CACNB1: variants seen among roughly 807,000 people sequenced by gnomAD.
CACNB1 encodes the protein calcium voltage-gated channel auxiliary subunit beta 1, also known as voltage-dependent L-type calcium channel subunit beta-1.
CACNB1 carries 29 observed loss-of-function variants against 71.6 expected under a neutral mutation model. The observed-to-expected ratio is 0.40, with a 90% CI of 0.30 to 0.55. The LOEUF is 0.55. Ranked by LOEUF, CACNB1 falls within the 20% of genes least tolerant of loss-of-function variation. The probability of loss-of-function intolerance (pLI) is 0.38; values close to 1 mark genes in which losing one functional copy is unlikely to be tolerated. For synonymous variants in CACNB1, 300 were observed against 319.6 expected, an observed-to-expected ratio of 0.94 and a Z score of 0.65; for missense variants, 623 against 801.8, an observed-to-expected ratio of 0.78 and a Z score of 2.69.
In CACNB1 at chr17:39,177,448, T is replaced by G. The variant is rs1365283226; in HGVS notation, c.1234A>C (p.Thr412Pro). 1 of 1,613,670 alleles carries G rather than the reference T, an allele frequency of 6.2e-7. No homozygotes were observed. The highest frequency in any genetic ancestry group is 8.5e-7 in the Non-Finnish European group (1 of 1,179,658). Residue 412 changes from threonine (T) to proline (P), a missense_variant, in exon 13 of 14, where the codon ACA becomes CCA. By Grantham distance (38) the Thr-to-Pro change is conservative. Coordinates refer to ENST00000394303, the MANE Select transcript of CACNB1 (RefSeq NM_000723.5). ...GGTGGCGTGCTGCTGGGCGGGTGTG[T>G]GGCCTTCCAATAGGCTTCCAAGTAC... ...AEYLEAYWKATHPPSSTPPNP... is the reference protein window; with the variant it reads ...AEYLEAYWKAPHPPSSTPPNP...
rs1384184587 is a variant in CACNB1 at position 39,197,453 on chromosome 17, A to T, written c.43T>A (p.Ser15Thr). The change falls in exon 1 of 14, where the codon TCC (serine) becomes ACC (threonine). Residue 15 changes from serine (S) to threonine (T), a missense_variant. Physicochemically the swap from Ser to Thr is moderately conservative, Grantham distance 58. Transcript: ENST00000394303. ...AAGACCTCCATGGGGATCTCCTGGG[A>T]GGGTGGGTAAGGGCCCCGGGACATG... The part of the protein sequence containing the change: ...TSMSRGPYPP[S>T]QEIPMEVFDP... 1.3e-6 allele frequency: 2 copies of T among 1,483,206 alleles called. No individual in the cohort carries two copies. Among genetic ancestry groups the T allele is most frequent in the Non-Finnish European group, 1.8e-6 (2 of 1,121,490 alleles). 91.9% of individuals were successfully genotyped at this position (1,483,206 alleles called of 1,614,324 possible).
chr17:39,193,392 T>G (rs569272835), intron 2 of CACNB1: 22 of 408,480 alleles, frequency 5.4e-5, no homozygotes, highest in Admixed American at 5.1e-4. Flanking sequence ...CTGCCCTCCG[T>G]CAGCTTTCCT....
At chr17:39,184,942 C>T in intron 7 of CACNB1, 78 bp from the exon 8 acceptor site, 1 of 1,139,638 alleles carries the variant, frequency 8.8e-7, no homozygotes, top group East Asian at 2.4e-5. Flanking sequence ...CAGGCTCCCC[C>T]ATGCAGCCTT....
intron 11 of CACNB1, among the ~76,000 whole-genome samples, chr17:39,183,331 T>TA (rs35512848): frequency 0.037 from 5,031 of 136,696 alleles, 289 homozygotes; most frequent in African/African-American, 0.13. Flanking sequence ...GATCCTGACT[T>TA]AAAAAAAAGA....
rs1454427891 is a variant in CACNB1, at chr17:39,184,369, C to T, written c.744G>A (p.Met248Ile). The T allele has an allele frequency of 1.1e-6, 1 of 929,872 alleles. No homozygotes were observed. The highest frequency in any genetic ancestry group is 5.7e-5 in the East Asian group (1 of 17,440). 57.6% of individuals were successfully genotyped at this position (929,872 alleles called of 1,614,324 possible). ...TCAAGAAGTCAAATAAAGCTTTCTG[C>T]ATCATGTCTGTAACCTGGGGGTGGG... ...SLKGYEVTDM[M>I]QKALFDFLKH... The change falls in exon 9 of 14, where the codon ATG becomes ATA. Residue 248 changes from methionine (M) to isoleucine (I), a missense_variant. Physicochemically the swap from Met to Ile is conservative, Grantham distance 10 (BLOSUM62 1). Coordinates refer to ENST00000394303, the MANE Select transcript of CACNB1 (RefSeq NM_000723.5).
At chr17:39,195,070 C>T (rs1490280170) in intron 1 of CACNB1, 100 bp from the exon 2 acceptor site, 1 of 764,754 alleles carries the variant, frequency 1.3e-6, no homozygotes, top group African/African-American at 1.7e-5. Context: ...GGGAACAGCA[C>T]TCCCAGCCCC....
chr17:39,186,258 GGGGCA>G lies in CACNB1; in HGVS notation c.628+233_628+237del. 1.5e-6 allele frequency: 1 copy of G among 678,458 alleles called. No homozygotes were observed. Among genetic ancestry groups the G allele is most frequent in the Non-Finnish European group, 2.5e-6 (1 of 394,574 alleles). 42.0% of individuals were successfully genotyped at this position (678,458 alleles called of 1,614,324 possible). A position where few individuals can be genotyped will look rare whatever the true frequency, so the allele number is the denominator to read the frequency against. ...GGAACAGGGCTGGGAGAAATGAATG[GGGGCA>G]GGGCAGGGGAATCAGGCAGAGAGAT... On this transcript the variant is annotated intron_variant, in intron 6 of 13. Coordinates refer to ENST00000394303, the MANE Select transcript of CACNB1 (RefSeq NM_000723.5). The surrounding 1 kb of genome is among the most constrained non-coding windows in gnomAD (Gnocchi z 4.1).
chr17:39,180,392 C>T (rs534096057), intron 11 of CACNB1, among the ~76,000 whole-genome samples: 3 of 152,072 alleles, frequency 2.0e-5, no homozygotes, highest in South Asian at 2.1e-4. Context: ...TGGTGGCTCA[C>T]GCCTATAATC....
chr17:39,188,567 C>T (rs1179431575), intron 3 of CACNB1, among the ~76,000 whole-genome samples: 2 of 148,450 alleles, frequency 1.3e-5, no homozygotes, highest in Non-Finnish European at 3.0e-5. Context: ...GAGTGAGACT[C>T]CGTCAAAAAA....
intron 11 of CACNB1, among the ~76,000 whole-genome samples, chr17:39,180,943 A>C (rs1226980232): frequency 6.6e-6 from 1 of 152,164 alleles, no homozygotes; most frequent in South Asian, 2.1e-4. Flanking sequence ...TTAAAAAGTT[A>C]GTGAATCCTG....
At chr17:39,191,669 C>T (rs2046084726) in intron 2 of CACNB1, 76 bp from the exon 3 acceptor site, 2 of 1,503,710 alleles carry the variant, frequency 1.3e-6, no homozygotes, top group Non-Finnish European at 1.8e-6. Flanking sequence ...ATGGAGGTGC[C>T]ACCCATCATG....
chr17:39,195,646 C>T (rs2046187717), intron 1 of CACNB1, among the ~76,000 whole-genome samples: 1 of 152,132 alleles, frequency 6.6e-6, no homozygotes, highest in Non-Finnish European at 1.5e-5. Flanking sequence ...AATTTTGCTC[C>T]CCACTCTCAT....
chr17:39,186,654 G>T lies in CACNB1; in HGVS notation c.552-82C>A. 6.6e-7 allele frequency: 1 copy of T among 1,507,114 alleles called. No individual in the cohort carries two copies. The highest frequency in any genetic ancestry group is 2.3e-5 in the East Asian group (1 of 44,150). The allele number at this position is 1,507,114 out of a possible 1,614,324, so 93.4% of individuals were successfully genotyped here. The stretch of plus-strand genomic sequence containing the variant: ...TCATCCTCTCACATGCGGCACCCCC[G>T]GAGGTGCTCCAGCCCCACTGGTGAT... On this transcript the variant is annotated intron_variant, in intron 5 of 13. Coordinates refer to ENST00000394303, the MANE Select transcript of CACNB1 (RefSeq NM_000723.5). This position sits in a 1 kb window ranked among gnomAD's most constrained non-coding sequence, Gnocchi z 4.1.
chr17:39,184,001 G>A (rs778931435), intron 10 of CACNB1, 30 bp downstream of exon 10: 14 of 1,565,790 alleles, frequency 8.9e-6, no homozygotes, highest in Non-Finnish European at 1.1e-5. Flanking sequence ...GCCCAGAAAG[G>A]GGGAGTGAAG....
In CACNB1 at chr17:39,175,515, C is replaced by A. The variant is rs769993738; in HGVS notation, c.1475G>T (p.Arg492Leu). ...SHPPGRAGTL[R>L]ALSRQDTFDA... ...AAAAGTGTCTTGGCGGGACAGTGCC[C>A]GTAGCGTGCCTGCCCGGCCTGGTGG... The change falls in exon 14 of 14, where the codon CGG becomes CTG. Residue 492 changes from arginine to leucine, a missense_variant. Coordinates refer to ENST00000394303, the MANE Select transcript of CACNB1 (RefSeq NM_000723.5). This position sits in a 1 kb window ranked among gnomAD's most constrained non-coding sequence, Gnocchi z 4.7. 1.9e-6 allele frequency: 3 copies of A among 1,613,872 alleles called. No individual in the cohort carries two copies. Among genetic ancestry groups the A allele is most frequent in the Non-Finnish European group, 2.5e-6 (3 of 1,179,986 alleles).
At chr17:39,187,298 AAG>A in intron 4 of CACNB1, 179 bp downstream of exon 4, 1 of 714,148 alleles carries the variant, frequency 1.4e-6, no homozygotes, top group Non-Finnish European at 2.3e-6. Context: ...CTTCTGACCT[AAG>A]CATTACCACC....
chr17:39,193,778 T>C (rs1211614276), intron 2 of CACNB1: 6 of 205,578 alleles, frequency 2.9e-5, no homozygotes, highest in East Asian at 3.3e-4. Flanking sequence ...AGCGTCATTC[T>C]TCCCAGCCCT....
intron 3 of CACNB1, among the ~76,000 whole-genome samples, chr17:39,188,074 C>CACTTGAGACCAGGA (rs369308676): frequency 0.33 from 49,683 of 151,684 alleles, 10,212 homozygotes; most frequent in African/African-American, 0.59. Context: ...GCAGGTGGAT[C>CACTTGAGACCAGGA]GTTTGAGACC....
At chr17:39,179,589 A>G (rs550323687) in intron 11 of CACNB1, among the ~76,000 whole-genome samples, 12 of 150,090 alleles carry the variant, frequency 8.0e-5, no homozygotes, top group African/African-American at 2.2e-4. Context: ...AAAAAAAAAA[A>G]AAAGAAAGAA....
Sources: allele counts gnomAD v4.1 joint callset (sites outside exome capture counted in the v4.1 genomes callset), GRCh38; gene constraint gnomAD v4.1.1; non-coding constraint Gnocchi (gnomAD v3.1); transcripts MANE v1.5; gene names NCBI Gene and HGNC (gene_info 2026-07-23, HGNC 2026-07-21).